Variants in TRIM14 observed in about 807,000 individuals in gnomAD.
TRIM14 encodes the protein tripartite motif containing 14.
TRIM14 carries 28 observed loss-of-function variants against 44.5 expected under a neutral mutation model. The ratio of observed to expected loss-of-function variants is 0.63; its 90% CI spans 0.47 to 0.86. The LOEUF is 0.86. Among genes scored for constraint, TRIM14 ranks in the 40% least tolerant of loss-of-function variants. The pLI, the probability that TRIM14 is intolerant of heterozygous loss-of-function variation, is 0.00. For missense variants in TRIM14, 607 were observed against 611.1 expected, an observed-to-expected ratio of 0.99 and a Z score of 0.07; for synonymous variants, 299 against 269.2, an observed-to-expected ratio of 1.11 and a Z score of -1.08.
chr9:98,054,109 G>A, the TRIM14 span, among the ~76,000 whole-genome samples: 2 of 152,120 alleles, frequency 1.3e-5, no homozygotes, highest in East Asian at 1.9e-4. Flanking sequence ...AGAGCAGAGA[G>A]TTACCCCTTA....
At chr9:98,042,079 G>T in the TRIM14 span, among the ~76,000 whole-genome samples, 7 of 151,650 alleles carry the variant, frequency 4.6e-5, no homozygotes, top group African/African-American at 1.2e-4. Context: ...GGATCACAAG[G>T]TCAGGAGATC....
chr9:98,113,153 A>C (rs1350286982), intron 1 of TRIM14, among the ~76,000 whole-genome samples: 1 of 150,186 alleles, frequency 6.7e-6, no homozygotes. Flanking sequence ...AATTTTTTAT[A>C]AGTTTTTCTA....
chr9:98,090,559 ACT>A (rs1491151492), intron 5 of TRIM14, among the ~76,000 whole-genome samples: 1 of 117,652 alleles, frequency 8.5e-6, no homozygotes, highest in East Asian at 2.2e-4. Flanking sequence ...TGATTTGTGC[ACT>A]TTTTTTTTTT....
At position 98,094,922 on chromosome 9, in the gene TRIM14, G is replaced by A. The variant is rs758887990; in HGVS notation, c.645C>T (p.Leu215=). ...FEPVKSFFKG[L]VEAVESTLQT... ...GTAATGTACTCTCCACGGCTTCCAC[G>A]AGGCCCTTAAAGAAGCTCTTGACGG... Residue 215 remains leucine (L), a synonymous_variant, in exon 4 of 6, where the codon CTC becomes CTT. Transcript: ENST00000341469. 4.0e-5 allele frequency: 65 copies of A among 1,614,058 alleles called. No individual in the cohort carries two copies. The highest frequency in any genetic ancestry group is 2.9e-5 in the Non-Finnish European group (34 of 1,180,030).
intron 2 of TRIM14, among the ~76,000 whole-genome samples, chr9:98,103,192 AAAC>A (rs201659753): frequency 3.9e-5 from 6 of 152,036 alleles, no homozygotes; most frequent in Non-Finnish European, 5.9e-5. Context: ...CTCCAAAAAC[AAAC>A]AACAACAACA....
chr9:98,080,949 A>G, downstream of TRIM14: 2 of 1,614,190 alleles, frequency 1.2e-6, no homozygotes, highest in Non-Finnish European at 1.7e-6. Context: ...AAGACCTGGA[A>G]GGGGAGTGAC....
intron 2 of TRIM14, among the ~76,000 whole-genome samples, chr9:98,103,666 G>T (rs1411519279): frequency 6.6e-6 from 1 of 151,936 alleles, no homozygotes; most frequent in Non-Finnish European, 1.5e-5. Flanking sequence ...GTGAAACCCT[G>T]TCTCTACTAA....
downstream of TRIM14, chr9:98,081,263 T>C: frequency 3.9e-6 from 3 of 763,150 alleles, no homozygotes; most frequent in East Asian, 8.2e-5. Flanking sequence ...CACTCTGGCC[T>C]GTAGCAGCAG....
the TRIM14 span, among the ~76,000 whole-genome samples, chr9:98,044,499 G>A: frequency 2.7e-5 from 4 of 149,924 alleles, no homozygotes; most frequent in African/African-American, 9.8e-5. Flanking sequence ...TCAGCCTCCC[G>A]AGTAGCTGGG....
downstream of TRIM14, chr9:98,081,452 G>A (rs1829857916): frequency 4.9e-6 from 1 of 204,070 alleles, no homozygotes; most frequent in Non-Finnish European, 9.9e-6. Context: ...TAAGCCCTGA[G>A]AAACATTTAG....
the TRIM14 span, among the ~76,000 whole-genome samples, chr9:98,038,322 G>T: frequency 1.4e-4 from 22 of 152,102 alleles, no homozygotes; most frequent in African/African-American, 5.3e-4. Context: ...AAAGTGCTGG[G>T]ACTACAGGCA....
chr9:98,076,855 C>A, intron 6 of TRIM14: 2 of 1,337,794 alleles, frequency 1.5e-6, no homozygotes, highest in Non-Finnish European at 2.1e-6. Context: ...TTATTCCTTG[C>A]CTGTCATAAC....
At chr9:98,039,060 C>A in the TRIM14 span, among the ~76,000 whole-genome samples, 1 of 151,118 alleles carries the variant, frequency 6.6e-6, no homozygotes, top group African/African-American at 2.4e-5. Flanking sequence ...AAAAAAAAAC[C>A]AAAAAAAACC....
chr9:98,106,209 T>C (rs1261756603), intron 2 of TRIM14, among the ~76,000 whole-genome samples: 1 of 152,084 alleles, frequency 6.6e-6, no homozygotes, highest in Non-Finnish European at 1.5e-5. Context: ...CACCTCCAGA[T>C]TGGGGATATA....
the TRIM14 span, among the ~76,000 whole-genome samples, chr9:98,041,537 G>A: frequency 6.6e-6 from 1 of 151,698 alleles, no homozygotes; most frequent in South Asian, 2.1e-4. Flanking sequence ...TTTTGCCCAG[G>A]CTGGAGTGCA....
Position 98,092,060 on chromosome 9 carries a change from G to A in TRIM14, c.701-59C>T, listed in dbSNP as rs1240054828. The A allele has an allele frequency of 3.7e-6, 5 of 1,359,922 alleles. No homozygotes were observed. The East Asian group carries it at 1.2e-4, about 32-fold the overall frequency. 84.2% of individuals were successfully genotyped at this position (1,359,922 alleles called of 1,614,324 possible). ...GCTTATGCAAGCAGACAAATAAGAC[G>A]TGCTAAAAATACCACACAACTGGAG... On this transcript the variant is annotated intron_variant, in intron 4 of 5. Transcript: ENST00000341469.
At chr9:98,092,134 G>A (rs1368039842) in intron 4 of TRIM14, 133 bp from the exon 5 acceptor site, 1 of 597,438 alleles carries the variant, frequency 1.7e-6, no homozygotes, top group African/African-American at 1.9e-5. Context: ...GGATTTATGT[G>A]AATTCACAGG....
the TRIM14 span, among the ~76,000 whole-genome samples, chr9:98,049,454 G>A: frequency 4.0e-5 from 6 of 151,744 alleles, no homozygotes; most frequent in Non-Finnish European, 7.4e-5. Flanking sequence ...TAAAGAAGGG[G>A]TGGGTTATTC....
intron 1 of TRIM14, 56 bp from the exon 2 acceptor site, chr9:98,110,040 G>T: frequency 7.3e-7 from 1 of 1,375,166 alleles, no homozygotes; most frequent in South Asian, 1.2e-5. Flanking sequence ...CCAAATAACA[G>T]GCCCCCCACA....
Sources: gnomAD v4.1 joint callset for allele counts (sites outside exome capture counted in the v4.1 genomes callset) on GRCh38, gnomAD v4.1.1 for gene constraint, MANE v1.5 for transcripts, NCBI Gene and HGNC (gene_info 2026-07-23, HGNC 2026-07-21) for gene names.